The following NSUN3 variants were observed in gnomAD, a reference collection of about 807,000 sequenced individuals.
NSUN3 encodes NOP2/Sun RNA methyltransferase 3.
NSUN3 carries 24 observed loss-of-function variants against 36.8 expected under a neutral mutation model. That is an observed-to-expected ratio of 0.65 (90% CI 0.47 to 0.92). The LOEUF (loss-of-function observed/expected upper bound fraction) is 0.92. Ranked by LOEUF, NSUN3 falls within the 40% of genes least tolerant of loss-of-function variation. NSUN3 has a pLI of 0.00. For synonymous variants in NSUN3, 146 were observed against 145.2 expected, an observed-to-expected ratio of 1.01 and a Z score of -0.04; for missense variants, 381 against 392.8, an observed-to-expected ratio of 0.97 and a Z score of 0.25.
chr3:94,109,595 C>G (rs147413994), intron 5 of NSUN3, among the ~76,000 whole-genome samples: 1 of 152,178 alleles, frequency 6.6e-6, no homozygotes, highest in Admixed American at 6.5e-5. Context: ...AGATGAAACA[C>G]GTCTCTTCTC....
intron 3 of NSUN3, among the ~76,000 whole-genome samples, chr3:94,088,748 C>T (rs1460758777): frequency 1.3e-5 from 2 of 150,660 alleles, no homozygotes; most frequent in African/African-American, 4.9e-5. Context: ...TCTTGGGTCA[C>T]TGCAGTCTCT....
At chr3:94,120,730 T>G (rs146257817) in intron 5 of NSUN3, among the ~76,000 whole-genome samples, 2 of 152,334 alleles carry the variant, frequency 1.3e-5, no homozygotes, top group East Asian at 3.9e-4. Flanking sequence ...AATGCTACTA[T>G]GAACATGGGT....
chr3:94,124,118 A>C (rs1311531577), intron 5 of NSUN3, among the ~76,000 whole-genome samples: 1 of 150,814 alleles, frequency 6.6e-6, no homozygotes, highest in Non-Finnish European at 1.5e-5. Flanking sequence ...TAAACAATAG[A>C]AGTTTATTTT....
intron 5 of NSUN3, among the ~76,000 whole-genome samples, chr3:94,121,125 C>T (rs2077459383): frequency 1.3e-5 from 2 of 152,294 alleles, no homozygotes; most frequent in South Asian, 2.1e-4. Flanking sequence ...GTTACCTTTG[C>T]GCTTCTGGAG....
rs61730354 is a variant in NSUN3 at position 94,126,218 on chromosome 3, A to G, written c.751A>G (p.Ile251Val). The stretch of plus-strand genomic sequence containing the variant: ...TTTTCTGATTGCACACAGGTCTGCA[A>G]TTAAGGCCTTACGTCCTGGAGGGAT... ...LLQIELLRSAIKALRPGGILV... is the reference protein window; with the variant it reads ...LLQIELLRSAVKALRPGGILV... The change falls in exon 6 of 6, where the codon ATT becomes GTT. Residue 251 changes from isoleucine to valine, a missense_variant. Physicochemically the swap from Ile to Val is conservative, Grantham distance 29. Transcript: ENST00000314622. 0.012 allele frequency: 18,738 copies of G among 1,611,094 alleles called. 203 individuals are homozygous for G. The highest frequency in any genetic ancestry group is 0.05 in the African/African-American group (3,760 of 74,934).
chr3:94,122,669 T>G (rs2077468749), intron 5 of NSUN3, among the ~76,000 whole-genome samples: 2 of 152,178 alleles, frequency 1.3e-5, no homozygotes, highest in South Asian at 4.1e-4. Flanking sequence ...TTTTCTTCAT[T>G]TATCTTTATT....
At chr3:94,117,797 A>G (rs889535743) in intron 5 of NSUN3, among the ~76,000 whole-genome samples, 2 of 152,136 alleles carry the variant, frequency 1.3e-5, no homozygotes, top group Non-Finnish European at 2.9e-5. Flanking sequence ...TTTGTTTCCT[A>G]CAGCAGTGTT....
intron 5 of NSUN3, among the ~76,000 whole-genome samples, chr3:94,095,437 A>C (rs2077333845): frequency 6.6e-6 from 1 of 152,174 alleles, no homozygotes; most frequent in Non-Finnish European, 1.5e-5. Flanking sequence ...GCTCACTGGG[A>C]CCCAACCCTG....
chr3:94,123,246 A>T (rs1471138391), intron 5 of NSUN3, among the ~76,000 whole-genome samples: 1 of 151,804 alleles, frequency 6.6e-6, no homozygotes, highest in African/African-American at 2.4e-5. Flanking sequence ...CACTCCTTTC[A>T]CTGCTCTTCT....
intron 5 of NSUN3, among the ~76,000 whole-genome samples, chr3:94,118,962 T>C (rs1035645844): frequency 6.6e-6 from 1 of 152,146 alleles, no homozygotes; most frequent in Non-Finnish European, 1.5e-5. Context: ...ATCATTTTGC[T>C]CCCCCAAACA....
intron 5 of NSUN3, among the ~76,000 whole-genome samples, chr3:94,099,198 G>A (rs1419074927): frequency 1.3e-5 from 2 of 152,052 alleles, no homozygotes; most frequent in African/African-American, 4.8e-5. Flanking sequence ...TATTAGTATT[G>A]CTTTTACATA....
At chr3:94,100,282 G>T (rs1254258555) in intron 5 of NSUN3, among the ~76,000 whole-genome samples, 4 of 152,148 alleles carry the variant, frequency 2.6e-5, no homozygotes, top group African/African-American at 9.7e-5. Context: ...ATACACGTGA[G>T]AACTTACACA....
chr3:94,126,588 T>C lies in NSUN3; in HGVS notation c.*98T>C. Reference sequence around the variant, plus strand: ...TAATTATGCAGTAACTTTCTCTGGGTCTGTTTGGAATCCTATTTAGTTAAT... The same window carrying C: ...TAATTATGCAGTAACTTTCTCTGGGCCTGTTTGGAATCCTATTTAGTTAAT... On this transcript the variant is annotated 3_prime_UTR_variant, in exon 6 of 6. Transcript: ENST00000314622. The C allele has an allele frequency of 9.0e-7, 1 of 1,111,056 alleles. No homozygotes were observed. The highest frequency in any genetic ancestry group is 1.3e-6 in the Non-Finnish European group (1 of 784,660). 68.8% of individuals were successfully genotyped at this position (1,111,056 alleles called of 1,614,324 possible).
intron 5 of NSUN3, among the ~76,000 whole-genome samples, chr3:94,106,336 C>A (rs1292219855): frequency 2.0e-5 from 3 of 152,082 alleles, no homozygotes; most frequent in Non-Finnish European, 4.4e-5. Context: ...AAAAGAATAG[C>A]CGCTGGGTAT....
chr3:94,105,935 A>G (rs1220393652), intron 5 of NSUN3, among the ~76,000 whole-genome samples: 1 of 150,982 alleles, frequency 6.6e-6, no homozygotes, highest in Non-Finnish European at 1.5e-5. Context: ...TAGGTCAAAG[A>G]CCCTACCTTG....
At chr3:94,074,483 G>A (rs2077238591) in intron 2 of NSUN3, among the ~76,000 whole-genome samples, 1 of 152,134 alleles carries the variant, frequency 6.6e-6, no homozygotes, top group South Asian at 2.1e-4. Context: ...ATTTCCTCGA[G>A]CAGTGGTTTG....
chr3:94,084,581 A>T (rs1415522830), intron 3 of NSUN3, 131 bp downstream of exon 3: 2 of 610,002 alleles, frequency 3.3e-6, no homozygotes, highest in East Asian at 5.7e-5. Flanking sequence ...CTGAGATGCT[A>T]TGGAGAAGAA....
chr3:94,079,132 A>G (rs1252371206), intron 2 of NSUN3, among the ~76,000 whole-genome samples: 1 of 152,176 alleles, frequency 6.6e-6, no homozygotes, highest in East Asian at 1.9e-4. Context: ...GGTGGTAACA[A>G]AATCTCTCAG....
Position 94,070,954 on chromosome 3 carries a change from A to G in NSUN3, c.122+6408A>G, listed in dbSNP as rs1016217327. ...AGTGATTTGGGGATATAACTCCAAA[A>G]GAATTCAAAGTAAGAAACATTGCTA... On this transcript the variant is annotated intron_variant, in intron 2 of 5. Coordinates refer to ENST00000314622, the MANE Select transcript of NSUN3 (RefSeq NM_022072.5). Among the ~76,000 whole-genome samples, 56 of 152,380 alleles carry G rather than the reference A, an allele frequency of 3.7e-4. 1 individual carries two copies. The highest frequency in any genetic ancestry group is 1.7e-3 in the South Asian group (8 of 4,830).
Sources: allele counts gnomAD v4.1 joint callset (sites outside exome capture counted in the v4.1 genomes callset), GRCh38; gene constraint gnomAD v4.1.1; transcripts MANE v1.5; gene names NCBI Gene and HGNC (gene_info 2026-07-23, HGNC 2026-07-21).